The following CLIC1 variants were observed in gnomAD, a reference collection of about 807,000 sequenced individuals.
CLIC1 encodes the protein chloride intracellular channel protein 1.
A neutral mutation model predicts 26.4 loss-of-function variants in CLIC1; 16 were observed. The ratio of observed to expected loss-of-function variants is 0.61; its 90% CI spans 0.41 to 0.92. CLIC1 has a LOEUF of 0.92. CLIC1 is among the 40% of genes least tolerant of loss of function. CLIC1 has a pLI of 0.00. For missense variants in CLIC1, 225 were observed against 289.7 expected (o/e 0.78, Z 1.62); for synonymous variants, 98 against 120.8 (o/e 0.81, Z 1.24).
intron 1 of CLIC1, among the ~76,000 whole-genome samples, chr6:31,735,008 C>T (rs551926398): frequency 1.3e-5 from 2 of 151,934 alleles, no homozygotes; most frequent in South Asian, 4.2e-4. Context: ...GGAATCTCTG[C>T]GGCACAGCCT....
chr6:31,732,082 G>C lies in CLIC1; in HGVS notation c.564+135C>G, dbSNP rs1465502970. On this transcript the variant is annotated intron_variant, in intron 5 of 5. Transcript: ENST00000375784. This position sits in a 1 kb window ranked among gnomAD's most constrained non-coding sequence, Gnocchi z 5.0. ...GCTGCAAAGGACTGGGGTGGGGTCT[G>C]CCATTGGTAGCAATTTATGAAAACC... 3 of 591,442 alleles carry C rather than the reference G, an allele frequency of 5.1e-6. No individual in the cohort carries two copies. Among genetic ancestry groups the C allele is most frequent in the Non-Finnish European group, 8.2e-6 (3 of 367,474 alleles). 36.6% of individuals were successfully genotyped at this position (591,442 alleles called of 1,614,324 possible).
At position 31,732,341 on chromosome 6, in the gene CLIC1, G is replaced by A. The variant is rs755015344; in HGVS notation, c.440C>T (p.Pro147Leu). 2 of 1,594,454 alleles carry A rather than the reference G, an allele frequency of 1.3e-6. No homozygotes were observed. Among genetic ancestry groups the A allele is most frequent in the Non-Finnish European group, 1.7e-6 (2 of 1,171,164 alleles). ...GGTTTCATCCACTTCTTCTGGGAGG[G>A]GGGATGTTAAGTAATTGTCTAAAAC... Residue 147 changes from proline (P) to leucine (L), a missense_variant, in exon 5 of 6, where the codon CCC (proline) becomes CTC (leucine). Transcript: ENST00000375784. The surrounding 1 kb of genome is among the most constrained non-coding windows in gnomAD (Gnocchi z 5.0).
rs1025777559 is a variant in CLIC1 at position 31,734,263 on chromosome 6, C to T, written c.40G>A (p.Ala14Thr). The T allele has an allele frequency of 7.4e-6, 12 of 1,613,400 alleles. No individual in the cohort carries two copies. Among genetic ancestry groups the T allele is most frequent in the African/African-American group, 1.3e-5 (1 of 74,914 alleles). ...CCAATCTTGGCCCCATCACTGCCAG[C>T]CTGAAAAGTAACCCCAACCCAAGGT... The change falls in exon 2 of 6, where the codon GCT becomes ACT. Residue 14 changes from alanine (A) to threonine (T), a missense_variant and splice_region_variant. Ala to Thr is a moderately conservative substitution (Grantham distance 58). Transcript: ENST00000375784. This position sits in a 1 kb window ranked among gnomAD's most constrained non-coding sequence, Gnocchi z 5.3.
At position 31,732,209 on chromosome 6, in the gene CLIC1, C is replaced by T; in HGVS notation, c.564+8G>A. ...TGGTCATCCTCTCCTCCCGCAATAA[C>T]CACACACCTGTACTATGTGTAACTT... On this transcript the variant is annotated splice_region_variant and intron_variant, in intron 5 of 5. Transcript: ENST00000375784. This position sits in a 1 kb window ranked among gnomAD's most constrained non-coding sequence, Gnocchi z 5.0. 1 of 1,464,358 alleles carries T rather than the reference C, an allele frequency of 6.8e-7. No individual in the cohort carries two copies. The highest frequency in any genetic ancestry group is 9.1e-7 in the Non-Finnish European group (1 of 1,100,026). 90.7% of individuals were successfully genotyped at this position (1,464,358 alleles called of 1,614,324 possible). A position where few individuals can be genotyped will look rare whatever the true frequency, so the allele number is the denominator to read the frequency against.
At position 31,736,448 on chromosome 6, in the gene CLIC1, C is replaced by CA; in HGVS notation, c.-149dup. ...ACACAAGCTCAATCAGACCTACTTG[C>CA]ACCCAAACTAGGCCTCCCCACCAGC... On this transcript the variant is annotated 5_prime_UTR_variant, in exon 1 of 6. Coordinates refer to ENST00000375784, the Ensembl canonical transcript of CLIC1. This position sits in a 1 kb window ranked among gnomAD's most constrained non-coding sequence, Gnocchi z 5.0. 2.7e-6 allele frequency: 4 copies of CA among 1,458,722 alleles called. No homozygotes were observed. Among genetic ancestry groups the CA allele is most frequent in the Admixed American group, 4.7e-5 (2 of 42,274 alleles). The allele number at this position is 1,458,722 out of a possible 1,614,324, so 90.4% of individuals were successfully genotyped here.
In CLIC1 at chr6:31,731,000, C is replaced by A; in HGVS notation, c.568G>T (p.Val190Leu). ...GTGAATCCCCGGTACTTCTTACACA[C>A]CACCTGAGGATGGGGAGAGGAGAGG... Residue 190 changes from valine (V) to leucine (L), a missense_variant, in exon 6 of 6, where the codon GTG becomes TTG. Coordinates refer to ENST00000375784, the Ensembl canonical transcript of CLIC1. The surrounding 1 kb of genome is among the most constrained non-coding windows in gnomAD (Gnocchi z 5.1). 6.2e-7 allele frequency: 1 copy of A among 1,612,450 alleles called. No individual in the cohort carries two copies. Among genetic ancestry groups the A allele is most frequent in the Non-Finnish European group, 8.5e-7 (1 of 1,179,774 alleles).
At position 31,734,353 on chromosome 6, in the gene CLIC1, TTTC is replaced by T; in HGVS notation, c.40-93_40-91del. On this transcript the variant is annotated intron_variant, in intron 1 of 5. Coordinates refer to ENST00000375784, the Ensembl canonical transcript of CLIC1. This position sits in a 1 kb window ranked among gnomAD's most constrained non-coding sequence, Gnocchi z 5.3. Reference sequence around the variant, plus strand: ...GCATTCCCACTCCCAGACCAGCTGTTTTCTGCCTAGTCATGACACATACACTGT... The same window carrying T: ...GCATTCCCACTCCCAGACCAGCTGTTTGCCTAGTCATGACACATACACTGT... 2.0e-6 allele frequency: 2 copies of T among 976,060 alleles called. No individual in the cohort carries two copies. Among genetic ancestry groups the T allele is most frequent in the Middle Eastern group, 4.1e-4 (2 of 4,864 alleles). The allele number at this position is 976,060 out of a possible 1,614,324, so 60.5% of individuals were successfully genotyped here.
At position 31,730,888 on chromosome 6, in the gene CLIC1, T is replaced by C; in HGVS notation, c.680A>G (p.Glu227Gly). The change falls in exon 6 of 6, where the codon GAG becomes GGG. Residue 227 changes from glutamate (E) to glycine (G), a missense_variant. By Grantham distance (98) the Glu-to-Gly change is moderately conservative. Transcript: ENST00000375784. The surrounding 1 kb of genome is among the most constrained non-coding windows in gnomAD (Gnocchi z 5.1). ...TTGCTCATAGGCGAGCTCGATCTCC[T>C]CATCATCTGGACAGGTGGAAGCGAA... 6.2e-7 allele frequency: 1 copy of C among 1,613,078 alleles called. No individual in the cohort carries two copies. Among genetic ancestry groups the C allele is most frequent in the Non-Finnish European group, 8.5e-7 (1 of 1,180,032 alleles).
Position 31,732,423 on chromosome 6 carries a change from G to T in CLIC1, c.383-25C>A. Reference sequence around the variant, plus strand: ...TCTGTGCAAGAGAGGGAACTGATTAGAACTTCAGGAAAAGATTGACATAGT... The same window carrying T: ...TCTGTGCAAGAGAGGGAACTGATTATAACTTCAGGAAAAGATTGACATAGT... On this transcript the variant is annotated intron_variant, in intron 4 of 5. Transcript: ENST00000375784. This position sits in a 1 kb window ranked among gnomAD's most constrained non-coding sequence, Gnocchi z 5.0. The T allele has an allele frequency of 7.1e-7, 1 of 1,414,916 alleles. No individual in the cohort carries two copies. Among genetic ancestry groups the T allele is most frequent in the Non-Finnish European group, 9.3e-7 (1 of 1,079,052 alleles). The allele number at this position is 1,414,916 out of a possible 1,614,324, so 87.6% of individuals were successfully genotyped here. A position where few individuals can be genotyped will look rare whatever the true frequency, so the allele number is the denominator to read the frequency against.
Position 31,736,363 on chromosome 6 carries a change from A to C in CLIC1, c.-63T>G. ...GAACTGGGAGGGGCTGGGACCGGGG[A>C]AGGCGGGTCTCACACTCAGGGACTC... On this transcript the variant is annotated 5_prime_UTR_variant, in exon 1 of 6. Transcript: ENST00000375784. This position sits in a 1 kb window ranked among gnomAD's most constrained non-coding sequence, Gnocchi z 5.0. The C allele has an allele frequency of 6.2e-7, 1 of 1,611,306 alleles. No homozygotes were observed. Among genetic ancestry groups the C allele is most frequent in the Non-Finnish European group, 8.5e-7 (1 of 1,179,704 alleles).
Position 31,736,141 on chromosome 6 carries a change from G to A in CLIC1, c.39+121C>T. 4 of 986,280 alleles carry A rather than the reference G, an allele frequency of 4.1e-6. No homozygotes were observed. Among genetic ancestry groups the A allele is most frequent in the Non-Finnish European group, 6.5e-6 (4 of 618,938 alleles). 61.1% of individuals were successfully genotyped at this position (986,280 alleles called of 1,614,324 possible). On this transcript the variant is annotated intron_variant, in intron 1 of 5. Coordinates refer to ENST00000375784, the Ensembl canonical transcript of CLIC1. The surrounding 1 kb of genome is among the most constrained non-coding windows in gnomAD (Gnocchi z 5.0). Reference sequence around the variant, plus strand: ...CAAAACCACCCCTCAACCAAAGAGTGCACGTGGGATTGGGGGTGGGAGTCA... The same window carrying A: ...CAAAACCACCCCTCAACCAAAGAGTACACGTGGGATTGGGGGTGGGAGTCA...
chr6:31,734,444 CTGTT>C lies in CLIC1; in HGVS notation c.40-185_40-182del, dbSNP rs1027520165. On this transcript the variant is annotated intron_variant, in intron 1 of 5. Coordinates refer to ENST00000375784, the Ensembl canonical transcript of CLIC1. The surrounding 1 kb of genome is among the most constrained non-coding windows in gnomAD (Gnocchi z 5.3). ...AAACCTAAGGCAGATCAATGGGAAA[CTGTT>C]TTGCAAAGGCAGGCTTCTGGTTCCC... is the stretch of plus-strand genomic sequence containing the variant. Among the ~76,000 whole-genome samples the C allele has an allele frequency of 6.6e-6, 1 of 152,224 alleles. No homozygotes were observed. Among genetic ancestry groups the C allele is most frequent in the Non-Finnish European group, 1.5e-5 (1 of 68,050 alleles).
chr6:31,733,941 T>C lies in CLIC1; in HGVS notation c.170A>G (p.Lys57Arg), dbSNP rs1808159515. The stretch of plus-strand genomic sequence containing the variant: ...TGGGAGCTGCCCCCCTGGGCACAGC[T>C]TCTGCACTGTCTCGGTCCGCCTGGA... The change falls in exon 3 of 6, where the codon AAG becomes AGG. Residue 57 changes from lysine to arginine, a missense_variant. Coordinates refer to ENST00000375784, the Ensembl canonical transcript of CLIC1. The surrounding 1 kb of genome is among the most constrained non-coding windows in gnomAD (Gnocchi z 5.4). The C allele has an allele frequency of 6.2e-7, 1 of 1,613,560 alleles. No homozygotes were observed. The highest frequency in any genetic ancestry group is 1.3e-5 in the African/African-American group (1 of 74,826).
At chr6:31,736,840 G>A (rs910676100), upstream of CLIC1, 1 of 986,768 alleles carries the variant, frequency 1.0e-6, no homozygotes, top group African/African-American at 1.7e-5. The surrounding 1 kb of genome is among the most constrained non-coding windows in gnomAD (Gnocchi z 5.0). Context: ...GACTTCAAAT[G>A]GAAAGGTGGT....
In CLIC1 at chr6:31,730,760, T is replaced by C; in HGVS notation, c.*82A>G. 4.1e-6 allele frequency: 6 copies of C among 1,450,612 alleles called. No individual in the cohort carries two copies. The South Asian group carries it at 4.9e-5, about 12-fold the overall frequency. The allele number at this position is 1,450,612 out of a possible 1,614,324, so 89.9% of individuals were successfully genotyped here. ...TCCCTGCCCACTGGCCATTTTGGAG[T>C]GTGTCCATTGGGTAGCAATGTGGAA... On this transcript the variant is annotated 3_prime_UTR_variant, in exon 6 of 6. Transcript: ENST00000375784. The surrounding 1 kb of genome is among the most constrained non-coding windows in gnomAD (Gnocchi z 5.1).
chr6:31,735,554 TCTC>T (rs1409266504), intron 1 of CLIC1, among the ~76,000 whole-genome samples: 3 of 151,856 alleles, frequency 2.0e-5, no homozygotes, highest in Non-Finnish European at 2.9e-5. Flanking sequence ...ACCGAGCTCT[TCTC>T]CTCCGTCTGA....
chr6:31,731,734 T>C (rs1336771832), intron 5 of CLIC1, among the ~76,000 whole-genome samples: 1 of 152,272 alleles, frequency 6.6e-6, no homozygotes, highest in African/African-American at 2.4e-5. Flanking sequence ...AGATGTTCAC[T>C]ACATAGTTGT....
At position 31,736,424 on chromosome 6, in the gene CLIC1, C is replaced by A; in HGVS notation, c.-124G>T. ...ACCCAGGGCTGTCCCTTCAGCACAACACAAGCTCAATCAGACCTACTTGCA... is the reference window on the plus strand; with the variant it reads ...ACCCAGGGCTGTCCCTTCAGCACAAAACAAGCTCAATCAGACCTACTTGCA... On this transcript the variant is annotated 5_prime_UTR_variant, in exon 1 of 6. Transcript: ENST00000375784. This position sits in a 1 kb window ranked among gnomAD's most constrained non-coding sequence, Gnocchi z 5.0. 1 of 1,539,964 alleles carries A rather than the reference C, an allele frequency of 6.5e-7. No homozygotes were observed. Among genetic ancestry groups the A allele is most frequent in the Non-Finnish European group, 8.8e-7 (1 of 1,140,912 alleles).
Position 31,733,687 on chromosome 6 carries a change from G to GA in CLIC1, c.276-16dup. ...GCTTGGGGTACCTGAAAGCCAATGG[G>GA]AAAAATGAGGTAAGATGTCTTCCTG... On this transcript the variant is annotated splice_polypyrimidine_tract_variant and intron_variant, in intron 3 of 5. Transcript: ENST00000375784. The surrounding 1 kb of genome is among the most constrained non-coding windows in gnomAD (Gnocchi z 5.4). 6.2e-7 allele frequency: 1 copy of GA among 1,612,362 alleles called. No homozygotes were observed. Among genetic ancestry groups the GA allele is most frequent in the South Asian group, 1.1e-5 (1 of 91,062 alleles).
Sources: allele counts gnomAD v4.1 joint callset (sites outside exome capture counted in the v4.1 genomes callset), GRCh38; gene constraint gnomAD v4.1.1; non-coding constraint Gnocchi (gnomAD v3.1); transcripts MANE v1.5; gene names NCBI Gene and HGNC (gene_info 2026-07-23, HGNC 2026-07-21).